PABPC4L: variants seen among roughly 807,000 people sequenced by gnomAD.
The protein encoded by PABPC4L is poly(A) binding protein cytoplasmic 4 like.
For missense variants in PABPC4L, 452 were observed against 451.4 expected, an observed-to-expected ratio of 1.00 and a Z score of -0.01; for synonymous variants, 169 against 164.1, an observed-to-expected ratio of 1.03 and a Z score of -0.23.
At chr4:134,098,058 T>C in the PABPC4L span, among the ~76,000 whole-genome samples, 1 of 151,788 alleles carries the variant, frequency 6.6e-6, no homozygotes, top group Admixed American at 6.6e-5. Context: ...AAAATATAGG[T>C]ATTCATTAAA....
chr4:134,057,504 G>A, the PABPC4L span, among the ~76,000 whole-genome samples: 1 of 151,998 alleles, frequency 6.6e-6, no homozygotes, highest in Non-Finnish European at 1.5e-5. Flanking sequence ...GGCCAGTTGA[G>A]GATGGAAGCC....
the PABPC4L span, among the ~76,000 whole-genome samples, chr4:134,188,143 A>G: frequency 6.6e-6 from 1 of 151,580 alleles, no homozygotes; most frequent in African/African-American, 2.4e-5. Context: ...TGGTTGCTCT[A>G]GAGATTACTA....
At chr4:134,163,448 T>TACTGAAAATATTCCAAAAG in the PABPC4L span, among the ~76,000 whole-genome samples, 1 of 152,134 alleles carries the variant, frequency 6.6e-6, no homozygotes, top group African/African-American at 2.4e-5. Flanking sequence ...GTATGAATCC[T>TACTGAAAATATTCCAAAAG]ACTGAAAATA....
At chr4:133,972,922 C>T in the PABPC4L span, among the ~76,000 whole-genome samples, 1 of 152,138 alleles carries the variant, frequency 6.6e-6, no homozygotes, top group East Asian at 1.9e-4. Context: ...ATTGTTATAA[C>T]AGGACCTCAA....
At chr4:133,974,434 T>G in the PABPC4L span, among the ~76,000 whole-genome samples, 4 of 152,066 alleles carry the variant, frequency 2.6e-5, no homozygotes, top group African/African-American at 9.7e-5. Flanking sequence ...AACATAGCGT[T>G]AAATATTCTT....
chr4:134,082,750 T>C, the PABPC4L span, among the ~76,000 whole-genome samples: 2 of 152,084 alleles, frequency 1.3e-5, no homozygotes, highest in Non-Finnish European at 2.9e-5. Flanking sequence ...CATTAGCATA[T>C]TTTTCCTGTT....
the PABPC4L span, among the ~76,000 whole-genome samples, chr4:134,105,498 G>T: frequency 6.6e-6 from 1 of 151,620 alleles, no homozygotes; most frequent in East Asian, 1.9e-4. Context: ...AAATATTGCT[G>T]ATTCTAAGGA....
the PABPC4L span, among the ~76,000 whole-genome samples, chr4:134,031,025 G>A: frequency 1.3e-5 from 2 of 152,010 alleles, no homozygotes; most frequent in African/African-American, 4.8e-5. Flanking sequence ...ATATGTAAAT[G>A]TACTACTTGA....
At chr4:134,177,550 G>A in the PABPC4L span, among the ~76,000 whole-genome samples, 1 of 152,136 alleles carries the variant, frequency 6.6e-6, no homozygotes, top group Non-Finnish European at 1.5e-5. Context: ...AGACAACAGA[G>A]TTGGTGACCA....
the PABPC4L span, among the ~76,000 whole-genome samples, chr4:134,185,227 C>A: frequency 2.0e-5 from 3 of 151,468 alleles, no homozygotes. Context: ...TCACTCTCCA[C>A]AACAAAAAAA....
chr4:133,979,892 G>A, the PABPC4L span, among the ~76,000 whole-genome samples: 9 of 152,000 alleles, frequency 5.9e-5, no homozygotes, highest in Non-Finnish European at 2.9e-5. Flanking sequence ...TCAAATAATT[G>A]ATCTTGTTTT....
the PABPC4L span, among the ~76,000 whole-genome samples, chr4:134,119,064 A>G: frequency 6.6e-6 from 1 of 151,750 alleles, no homozygotes; most frequent in Non-Finnish European, 1.5e-5. Flanking sequence ...TCACTGTGAC[A>G]CTATGTTTTA....
At chr4:134,129,136 TA>T in the PABPC4L span, among the ~76,000 whole-genome samples, 1 of 152,028 alleles carries the variant, frequency 6.6e-6, no homozygotes, top group African/African-American at 2.4e-5. Context: ...CAATCCTAAA[TA>T]TATATGCACC....
At chr4:134,025,701 T>A in the PABPC4L span, among the ~76,000 whole-genome samples, 2 of 152,174 alleles carry the variant, frequency 1.3e-5, no homozygotes, top group African/African-American at 4.8e-5. Flanking sequence ...GTAAATTTTC[T>A]GAATTTTCAG....
At chr4:133,981,279 T>C in the PABPC4L span, among the ~76,000 whole-genome samples, 300 of 152,344 alleles carry the variant, frequency 2.0e-3, 1 homozygote, top group Middle Eastern at 6.8e-3. Flanking sequence ...AGGTTTTATG[T>C]GACTTAGTAC....
chr4:134,068,099 T>C, the PABPC4L span, among the ~76,000 whole-genome samples: 1 of 152,120 alleles, frequency 6.6e-6, no homozygotes, highest in Non-Finnish European at 1.5e-5. Context: ...TTGATGATCT[T>C]TCTAATAACG....
chr4:134,147,043 A>G, the PABPC4L span, among the ~76,000 whole-genome samples: 4 of 152,108 alleles, frequency 2.6e-5, no homozygotes, highest in African/African-American at 9.7e-5. Context: ...AGTGTACTTT[A>G]TTTTTATCTT....
chr4:134,025,417 C>T, the PABPC4L span, among the ~76,000 whole-genome samples: 1 of 149,202 alleles, frequency 6.7e-6, no homozygotes, highest in African/African-American at 2.4e-5. Context: ...GGAAAATTTA[C>T]TCCAAGAAGG....
chr4:133,993,434 A>G, the PABPC4L span, among the ~76,000 whole-genome samples: 3 of 152,184 alleles, frequency 2.0e-5, no homozygotes, highest in Non-Finnish European at 1.5e-5. Context: ...AGTTGAGAGA[A>G]GATGTTTAAT....
Sources: allele counts gnomAD v4.1 joint callset (sites outside exome capture counted in the v4.1 genomes callset), GRCh38; gene constraint gnomAD v4.1.1; transcripts MANE v1.5; gene names NCBI Gene and HGNC (gene_info 2026-07-23, HGNC 2026-07-21).